LUC7L3: variants seen among roughly 807,000 people sequenced by gnomAD.
The protein encoded by LUC7L3 is LUC7 like 3 pre-mRNA splicing factor.
Under a neutral mutation model 66.8 loss-of-function variants are expected in LUC7L3, and 6 were observed. That is an observed-to-expected ratio of 0.09 (90% CI 0.05 to 0.18). LUC7L3 has a LOEUF of 0.18. Ranked by LOEUF, LUC7L3 falls within the 10% of genes least tolerant of loss-of-function variation. The pLI is 1.00. For missense variants in LUC7L3, 341 were observed against 531.1 expected, an observed-to-expected ratio of 0.64 and a Z score of 3.52; for synonymous variants, 160 against 174.7, an observed-to-expected ratio of 0.92 and a Z score of 0.66.
intron 1 of LUC7L3, among the ~76,000 whole-genome samples, chr17:50,721,656 A>G (rs1026396362): frequency 1.4e-4 from 22 of 152,228 alleles, no homozygotes; most frequent in African/African-American, 5.3e-4. Context: ...TCATCTAAAT[A>G]GGTGGAATTA....
intron 9 of LUC7L3, 101 bp downstream of exon 9, chr17:50,746,803 C>A: frequency 1.1e-6 from 1 of 925,000 alleles, no homozygotes; most frequent in Non-Finnish European, 1.6e-6. Context: ...TTCATACATA[C>A]TCCTTTTCAC....
In LUC7L3 at chr17:50,751,345, T is replaced by C; in HGVS notation, c.*684T>C. On this transcript the variant is annotated 3_prime_UTR_variant, in exon 10 of 10. Transcript: ENST00000505658. The stretch of plus-strand genomic sequence containing the variant: ...GAAAAGCCAAATTAAAAATCAAGGA[T>C]TCAGTCAAACTAAGCAGGTACTCAT... 7.7e-7 allele frequency: 1 copy of C among 1,296,394 alleles called. No homozygotes were observed. Among genetic ancestry groups the C allele is most frequent in the Non-Finnish European group, 1.0e-6 (1 of 993,546 alleles). 80.3% of individuals were successfully genotyped at this position (1,296,394 alleles called of 1,614,324 possible).
intron 9 of LUC7L3, 34 bp from the exon 10 acceptor site, chr17:50,750,467 T>A (rs771520370): frequency 1.1e-5 from 17 of 1,577,820 alleles, no homozygotes; most frequent in Non-Finnish European, 1.4e-5. Flanking sequence ...TATTTTACTT[T>A]AAAATCCATG....
chr17:50,730,398 A>T (rs1969507863), intron 1 of LUC7L3, among the ~76,000 whole-genome samples: 1 of 151,726 alleles, frequency 6.6e-6, no homozygotes, highest in South Asian at 2.1e-4. Context: ...GCAGTTGCCC[A>T]TAATCCCAGC....
In LUC7L3 at chr17:50,719,695, G is replaced by A. The variant is rs961368287; in HGVS notation, c.-38G>A. ...GTCGCCCGTGTTTTCGTTGGCGGGT[G>A]CCTGGGCTGGTGGGAACAGCCGCCC... is the stretch of plus-strand genomic sequence containing the variant. On this transcript the variant is annotated 5_prime_UTR_variant, in exon 1 of 10. Transcript: ENST00000505658. The A allele has an allele frequency of 6.5e-7, 1 of 1,549,990 alleles. No individual in the cohort carries two copies. Among genetic ancestry groups the A allele is most frequent in the Non-Finnish European group, 8.8e-7 (1 of 1,130,870 alleles).
chr17:50,733,398 GTTTTTTT>G (rs35236108), intron 1 of LUC7L3, among the ~76,000 whole-genome samples: 1 of 98,330 alleles, frequency 1.0e-5, no homozygotes, highest in East Asian at 3.3e-4. Flanking sequence ...CGCCTGGCTA[GTTTTTTT>G]TTTTTTTTTT....
chr17:50,722,575 A>G (rs1968859346), intron 1 of LUC7L3: 1 of 152,152 alleles, frequency 6.6e-6, no homozygotes, highest in Non-Finnish European at 1.5e-5. Context: ...TTAATTGTGC[A>G]TATCTGCACA....
intron 1 of LUC7L3, among the ~76,000 whole-genome samples, chr17:50,727,973 C>T (rs1969308450): frequency 6.7e-6 from 1 of 149,766 alleles, no homozygotes; most frequent in Admixed American, 6.6e-5. Flanking sequence ...ATTAGCTGGG[C>T]GTGGTGTGGT....
intron 1 of LUC7L3, among the ~76,000 whole-genome samples, chr17:50,726,771 C>T (rs965567409): frequency 1.3e-5 from 2 of 152,100 alleles, no homozygotes; most frequent in Non-Finnish European, 2.9e-5. Context: ...CTACAGTGCA[C>T]ATCTCTAGCT....
chr17:50,731,218 G>C lies in LUC7L3; in HGVS notation c.100-5742G>C, dbSNP rs543194119. 2.6e-5 allele frequency among the ~76,000 whole-genome samples: 4 copies of C among 152,266 alleles called. No homozygotes were observed. The East Asian group carries it at 7.7e-4, about 29-fold the overall frequency. On this transcript the variant is annotated intron_variant, in intron 1 of 9. Transcript: ENST00000505658. ...CAGTCTCTCTCTGTCATCCAGGCTG[G>C]AGTATAGTGGTGCGATCTCAGCTAA...
chr17:50,749,851 A>G (rs1188081946), intron 9 of LUC7L3, among the ~76,000 whole-genome samples: 1 of 152,162 alleles, frequency 6.6e-6, no homozygotes, highest in Non-Finnish European at 1.5e-5. Flanking sequence ...TACCTTTTTC[A>G]TTCTTCATTT....
chr17:50,720,181 A>G (rs576635629), intron 1 of LUC7L3, among the ~76,000 whole-genome samples: 139 of 152,344 alleles, frequency 9.1e-4, no homozygotes, highest in African/African-American at 3.1e-3. Context: ...ACATTTTTCT[A>G]TAGTTTGGGT....
At position 50,744,826 on chromosome 17, in the gene LUC7L3, G is replaced by A; in HGVS notation, c.693+13G>A. 6.2e-7 allele frequency: 1 copy of A among 1,606,684 alleles called. No individual in the cohort carries two copies. Among genetic ancestry groups the A allele is most frequent in the Non-Finnish European group, 8.5e-7 (1 of 1,177,376 alleles). ...AGAAGAATTAAAAGTAAGTTTTTTT[G>A]TTTGTTTTGAGGCAGATTCTTGCTC... On this transcript the variant is annotated intron_variant, in intron 7 of 9. Coordinates refer to ENST00000505658, the MANE Select transcript of LUC7L3 (RefSeq NM_016424.5).
intron 1 of LUC7L3, chr17:50,723,303 G>T (rs1167146984): frequency 2.6e-5 from 4 of 152,118 alleles, no homozygotes; most frequent in African/African-American, 9.7e-5. Flanking sequence ...TTCCATGAAG[G>T]TTTAACATGA....
chr17:50,750,372 C>G (rs577642556), intron 9 of LUC7L3, 129 bp from the exon 10 acceptor site: 1 of 856,728 alleles, frequency 1.2e-6, no homozygotes, highest in East Asian at 2.6e-5. Flanking sequence ...GGTAAATTCA[C>G]CAAACCGTTG....
intron 5 of LUC7L3, 33 bp downstream of exon 5, chr17:50,741,764 A>T: frequency 1.3e-6 from 2 of 1,530,326 alleles, no homozygotes; most frequent in African/African-American, 2.7e-5. Context: ...TCAGGAAGTA[A>T]TGTGAAACAG....
chr17:50,746,109 A>G (rs1419265631), intron 8 of LUC7L3, 106 bp downstream of exon 8: 6 of 1,407,796 alleles, frequency 4.3e-6, no homozygotes, highest in Non-Finnish European at 4.6e-6. Flanking sequence ...GCTCTTAAGC[A>G]TCTTTAAGTG....
intron 2 of LUC7L3, chr17:50,737,557 A>C: frequency 4.5e-6 from 1 of 222,038 alleles, no homozygotes; most frequent in Non-Finnish European, 9.2e-6. Context: ...GGGTTTCTCA[A>C]CCTTGACATT....
rs1269284628 is a variant in LUC7L3, at chr17:50,754,936, C to G, written c.*4275C>G. 1 of 152,178 alleles carries G rather than the reference C, an allele frequency of 6.6e-6. No homozygotes were observed. The highest frequency in any genetic ancestry group is 2.4e-5 in the African/African-American group (1 of 41,438). The allele number at this position is 152,178 out of a possible 1,614,324, so 9.4% of individuals were successfully genotyped here. A position where few individuals can be genotyped will look rare whatever the true frequency, so the allele number is the denominator to read the frequency against. ...ACTGAAAATTTTTATGGTGGAAGTTCTCTGAGCCCTCATCCATTCTGTTTT... is the reference window on the plus strand; with the variant it reads ...ACTGAAAATTTTTATGGTGGAAGTTGTCTGAGCCCTCATCCATTCTGTTTT... On this transcript the variant is annotated 3_prime_UTR_variant, in exon 10 of 10. Transcript: ENST00000505658.
Sources: allele counts gnomAD v4.1 joint callset (sites outside exome capture counted in the v4.1 genomes callset), GRCh38; gene constraint gnomAD v4.1.1; transcripts MANE v1.5; gene names NCBI Gene and HGNC (gene_info 2026-07-23, HGNC 2026-07-21).